Variants in DPP6 observed in about 807,000 individuals in gnomAD.
DPP6 encodes the protein A-type potassium channel modulatory protein DPP6.
DPP6 carries 69 observed loss-of-function variants against 122.6 expected under a neutral mutation model. The observed-to-expected ratio is 0.56, with a 90% CI of 0.46 to 0.69. The LOEUF is 0.69. Ranked by LOEUF, DPP6 falls within the 30% of genes least tolerant of loss-of-function variation. DPP6 has a pLI of 0.00. For synonymous variants in DPP6, 418 were observed against 433.1 expected, an observed-to-expected ratio of 0.97 and a Z score of 0.43; for missense variants, 928 against 1,116.9, an observed-to-expected ratio of 0.83 and a Z score of 2.41.
At chr7:154,306,265 A>G (rs1371979002) in intron 1 of DPP6, among the ~76,000 whole-genome samples, 1 of 152,192 alleles carries the variant, frequency 6.6e-6, no homozygotes, top group Non-Finnish European at 1.5e-5. Context: ...GCAGAGGCCC[A>G]AGGGGTGAGG....
intron 5 of DPP6, among the ~76,000 whole-genome samples, chr7:154,627,142 AG>A (rs1835129738): frequency 7.0e-6 from 1 of 141,982 alleles, no homozygotes; most frequent in African/African-American, 2.6e-5. Context: ...CCTCCCAAAT[AG>A]CTGGAACTAC....
chr7:154,305,335 T>TTGGGGC, intron 1 of DPP6: 49 of 1,024,538 alleles, frequency 4.8e-5, no homozygotes, highest in Non-Finnish European at 5.7e-5. Context: ...TCGTCTTGTC[T>TTGGGGC]ACCCACCCTC....
intron 7 of DPP6, among the ~76,000 whole-genome samples, chr7:154,690,679 C>T (rs562812802): frequency 1.3e-5 from 2 of 152,126 alleles, no homozygotes; most frequent in Non-Finnish European, 2.9e-5. Context: ...CCCCATCTTC[C>T]CCTGGACACA....
intron 16 of DPP6, among the ~76,000 whole-genome samples, chr7:154,818,835 C>G (rs948104198): frequency 1.3e-5 from 2 of 152,108 alleles, no homozygotes; most frequent in Non-Finnish European, 2.9e-5. Flanking sequence ...GAACCAAGAA[C>G]AAGGAAAGGG....
intron 12 of DPP6, among the ~76,000 whole-genome samples, chr7:154,797,384 A>G (rs1003056166): frequency 2.0e-5 from 3 of 152,092 alleles, no homozygotes; most frequent in African/African-American, 4.8e-5. Context: ...GTATATATAC[A>G]TATATATACA....
At chr7:154,590,797 GT>G (rs1832769191) in intron 5 of DPP6, among the ~76,000 whole-genome samples, 1 of 151,658 alleles carries the variant, frequency 6.6e-6, no homozygotes, top group African/African-American at 2.4e-5. Context: ...GCCTCCCAAA[GT>G]GCTGAAATTA....
At chr7:154,076,319 G>A (rs1351121080) in intron 1 of DPP6, among the ~76,000 whole-genome samples, 3 of 151,916 alleles carry the variant, frequency 2.0e-5, no homozygotes, top group Admixed American at 1.3e-4. Flanking sequence ...GCACAGTGGC[G>A]GGTGCCTGTA....
chr7:154,660,549 G>C lies in DPP6; in HGVS notation c.681-8811G>C, dbSNP rs552598610. On this transcript the variant is annotated intron_variant, in intron 6 of 25. Coordinates refer to ENST00000377770, the MANE Select transcript of DPP6 (RefSeq NM_130797.4). ...GCATATTGGCGCTAGTGTTCATATA[G>C]TCATGGTGAATCACCATGGCGTATC... Among the ~76,000 whole-genome samples, 3 of 144,086 alleles carry C rather than the reference G, an allele frequency of 2.1e-5. No individual in the cohort carries two copies. The South Asian group carries it at 6.5e-4, about 31-fold the overall frequency. The allele number at this position is 144,086 out of a possible 152,430, so 94.5% of individuals were successfully genotyped here.
chr7:154,333,691 G>T (rs1449513471), intron 1 of DPP6, among the ~76,000 whole-genome samples: 1 of 152,176 alleles, frequency 6.6e-6, no homozygotes, highest in Non-Finnish European at 1.5e-5. Flanking sequence ...GAATCATTGT[G>T]AAAACTGGAA....
chr7:154,321,955 G>A (rs1808003784), intron 1 of DPP6, among the ~76,000 whole-genome samples: 1 of 152,054 alleles, frequency 6.6e-6, no homozygotes, highest in South Asian at 2.1e-4. Flanking sequence ...CCCCGCCAGC[G>A]AAGGGCAGCA....
At chr7:154,057,038 C>G (rs1241697016) in intron 1 of DPP6, among the ~76,000 whole-genome samples, 1 of 152,236 alleles carries the variant, frequency 6.6e-6, no homozygotes, top group Non-Finnish European at 1.5e-5. Context: ...ATTGCAGGAG[C>G]ATGGAGAGTT....
intron 5 of DPP6, among the ~76,000 whole-genome samples, chr7:154,595,397 A>G (rs1263673588): frequency 1.3e-5 from 2 of 152,122 alleles, no homozygotes; most frequent in Admixed American, 6.5e-5. Context: ...TGAGAAGGTT[A>G]TGAACTCTTG....
intron 5 of DPP6, among the ~76,000 whole-genome samples, chr7:154,569,568 C>T (rs1201898080): frequency 6.6e-6 from 1 of 151,850 alleles, no homozygotes; most frequent in Non-Finnish European, 1.5e-5. Context: ...TCAAAGGCAG[C>T]TAGTGTAACT....
At chr7:154,612,505 G>C (rs1489045074) in intron 5 of DPP6, among the ~76,000 whole-genome samples, 2 of 152,166 alleles carry the variant, frequency 1.3e-5, no homozygotes, top group Non-Finnish European at 2.9e-5. Context: ...TTTTATTGCG[G>C]AGTAATATTC....
At chr7:154,281,989 G>A (rs776989558) in intron 1 of DPP6, among the ~76,000 whole-genome samples, 1 of 152,064 alleles carries the variant, frequency 6.6e-6, no homozygotes, top group Non-Finnish European at 1.5e-5. Flanking sequence ...TTGAGACATG[G>A]GTCTTTGTGA....
At chr7:154,587,867 CAGAT>C in intron 5 of DPP6, 1 of 1,612,882 alleles carries the variant, frequency 6.2e-7, no homozygotes, top group Non-Finnish European at 8.5e-7. Flanking sequence ...GGACCTGTTT[CAGAT>C]ATTCCATGGA....
At chr7:154,637,010 A>G (rs1249320196) in intron 5 of DPP6, among the ~76,000 whole-genome samples, 1 of 152,174 alleles carries the variant, frequency 6.6e-6, no homozygotes, top group Non-Finnish European at 1.5e-5. Context: ...AGTAACCCAC[A>G]TATTCCGTAT....
At chr7:153,795,240 C>A in the DPP6 span, among the ~76,000 whole-genome samples, 2 of 152,194 alleles carry the variant, frequency 1.3e-5, no homozygotes, top group Admixed American at 1.3e-4. Flanking sequence ...CATGGTGCAA[C>A]CCCGTCTCTA....
chr7:154,250,444 T>C (rs1802281839), intron 1 of DPP6, among the ~76,000 whole-genome samples: 1 of 151,832 alleles, frequency 6.6e-6, no homozygotes, highest in Admixed American at 6.6e-5. Flanking sequence ...TGGTGTGCAT[T>C]GCCCAGAGAG....
Sources: gnomAD v4.1 joint callset for allele counts (sites outside exome capture counted in the v4.1 genomes callset) on GRCh38, gnomAD v4.1.1 for gene constraint, MANE v1.5 for transcripts, NCBI Gene and HGNC (gene_info 2026-07-23, HGNC 2026-07-21) for gene names.